Variants in LRRTM4 observed in about 807,000 individuals in gnomAD.
The protein encoded by LRRTM4 is leucine-rich repeat transmembrane neuronal protein 4.
A neutral mutation model predicts 47.6 loss-of-function variants in LRRTM4; 25 were observed. That is an observed-to-expected ratio of 0.53 (90% confidence interval 0.38 to 0.73). The LOEUF is 0.73. LRRTM4 is among the 30% of genes least tolerant of loss of function. The pLI, the probability that LRRTM4 is intolerant of heterozygous loss-of-function variation, is 0.00. For synonymous variants in LRRTM4, 311 were observed against 269.5 expected (o/e 1.15, Z -1.51); for missense variants, 638 against 713.4 (o/e 0.89, Z 1.20).
At chr2:76,807,437 C>CACATATATATAT (rs1558667459) in intron 3 of LRRTM4, among the ~76,000 whole-genome samples, 5 of 34,302 alleles carry the variant, frequency 1.5e-4, no homozygotes, top group Non-Finnish European at 1.9e-4. Context: ...TATATATATA[C>CACATATATATAT]GTATATACAT....
intron 3 of LRRTM4, among the ~76,000 whole-genome samples, chr2:77,107,000 T>A (rs1671110447): frequency 6.6e-6 from 1 of 152,058 alleles, no homozygotes; most frequent in Non-Finnish European, 1.5e-5. Context: ...TTGAGAAATA[T>A]AAGCCACATA....
intron 3 of LRRTM4, among the ~76,000 whole-genome samples, chr2:76,970,359 T>C (rs72823127): frequency 0.019 from 2,881 of 152,106 alleles, 73 homozygotes; most frequent in East Asian, 0.084. Flanking sequence ...CTGGCATCCA[T>C]GGCAACTAAT....
chr2:77,412,783 A>G (rs1177718697), intron 3 of LRRTM4, among the ~76,000 whole-genome samples: 1 of 152,126 alleles, frequency 6.6e-6, no homozygotes, highest in Non-Finnish European at 1.5e-5. Context: ...AAAAATTAAA[A>G]TAAAATAAGC....
chr2:76,870,690 T>C (rs905664703), intron 3 of LRRTM4, among the ~76,000 whole-genome samples: 4 of 152,154 alleles, frequency 2.6e-5, no homozygotes, highest in African/African-American at 9.6e-5. Flanking sequence ...ACATTTCTCC[T>C]TCCCAAGTGA....
At chr2:76,807,210 T>TA (rs1558667014) in intron 3 of LRRTM4, among the ~76,000 whole-genome samples, 1 of 151,686 alleles carries the variant, frequency 6.6e-6, no homozygotes, top group Non-Finnish European at 1.5e-5. Context: ...ACTATGGGAA[T>TA]AGTCACTGAA....
At chr2:76,792,752 G>A (rs151300121) in intron 3 of LRRTM4, among the ~76,000 whole-genome samples, 190 of 151,982 alleles carry the variant, frequency 1.3e-3, no homozygotes, top group African/African-American at 4.1e-3. Context: ...AATGCCAGGC[G>A]CTAAGGACTT....
intron 3 of LRRTM4, among the ~76,000 whole-genome samples, chr2:76,792,929 T>TGGTTGTTAGGGGTGGA (rs1675052611): frequency 6.6e-6 from 1 of 152,178 alleles, no homozygotes; most frequent in Admixed American, 6.5e-5. Flanking sequence ...CCTGGGTTTT[T>TGGTTGTTAGGGGTGGA]GGTTGTTAGG....
chr2:77,513,785 A>T (rs936480121), intron 3 of LRRTM4, among the ~76,000 whole-genome samples: 1 of 151,922 alleles, frequency 6.6e-6, no homozygotes, highest in African/African-American at 2.4e-5. Flanking sequence ...AGACTGGTCT[A>T]AAACTCTTGA....
chr2:76,828,562 A>G (rs938455200), intron 3 of LRRTM4, among the ~76,000 whole-genome samples: 2 of 151,970 alleles, frequency 1.3e-5, no homozygotes, highest in Non-Finnish European at 2.9e-5. Flanking sequence ...GTATAGGTTC[A>G]TTAGAAAGTT....
chr2:77,274,561 G>A (rs763493950), intron 3 of LRRTM4, among the ~76,000 whole-genome samples: 1 of 152,120 alleles, frequency 6.6e-6, no homozygotes, highest in East Asian at 1.9e-4. Context: ...TACTCGATCA[G>A]TAATTTCAAA....
intron 3 of LRRTM4, among the ~76,000 whole-genome samples, chr2:77,161,642 A>T (rs987365112): frequency 6.6e-6 from 1 of 152,086 alleles, no homozygotes; most frequent in Admixed American, 6.6e-5. Flanking sequence ...TTTCCAATAT[A>T]TTGGAAAAAC....
intron 3 of LRRTM4, among the ~76,000 whole-genome samples, chr2:77,421,539 C>G (rs1674885264): frequency 6.6e-6 from 1 of 152,114 alleles, no homozygotes; most frequent in Non-Finnish European, 1.5e-5. Flanking sequence ...AACCCCTTCT[C>G]TACTAAAAAT....
chr2:77,168,410 T>G (rs759030688), intron 3 of LRRTM4, among the ~76,000 whole-genome samples: 3 of 152,088 alleles, frequency 2.0e-5, no homozygotes, highest in Non-Finnish European at 4.4e-5. Flanking sequence ...TAGTTTTTTG[T>G]TAGCTGCTTT....
At chr2:77,367,108 T>TTG (rs1672488984) in intron 3 of LRRTM4, among the ~76,000 whole-genome samples, 1 of 151,852 alleles carries the variant, frequency 6.6e-6, no homozygotes, top group Non-Finnish European at 1.5e-5. Context: ...CATTAGAGCC[T>TTG]GAATGTATTG....
At chr2:77,048,279 T>G (rs575672549) in intron 3 of LRRTM4, among the ~76,000 whole-genome samples, 1 of 152,180 alleles carries the variant, frequency 6.6e-6, no homozygotes, top group East Asian at 1.9e-4. Flanking sequence ...GCTGAAGTAT[T>G]GGCGTGAGAA....
intron 3 of LRRTM4, among the ~76,000 whole-genome samples, chr2:77,331,267 C>A (rs1284830218): frequency 6.6e-6 from 1 of 152,076 alleles, no homozygotes; most frequent in African/African-American, 2.4e-5. Flanking sequence ...GCTTAGCAAT[C>A]CCAGTAGGCA....
At chr2:77,366,733 C>G (rs1175583718) in intron 3 of LRRTM4, among the ~76,000 whole-genome samples, 1 of 151,808 alleles carries the variant, frequency 6.6e-6, no homozygotes, top group East Asian at 1.9e-4. Context: ...GTTTACCTCA[C>G]ACATTTACAA....
chr2:77,028,535 G>C (rs1390080385), intron 3 of LRRTM4, among the ~76,000 whole-genome samples: 2 of 152,064 alleles, frequency 1.3e-5, no homozygotes, highest in African/African-American at 4.8e-5. Context: ...GAAGAGGATA[G>C]AAGGAACTAT....
At chr2:76,994,904 C>A (rs1677145622) in intron 3 of LRRTM4, among the ~76,000 whole-genome samples, 1 of 151,956 alleles carries the variant, frequency 6.6e-6, no homozygotes, top group Admixed American at 6.6e-5. Context: ...GGCATTCTAT[C>A]TAAGCTAAAT....
Sources: allele counts gnomAD v4.1 joint callset (sites outside exome capture counted in the v4.1 genomes callset), GRCh38; gene constraint gnomAD v4.1.1; transcripts MANE v1.5; gene names NCBI Gene and HGNC (gene_info 2026-07-23, HGNC 2026-07-21).